Variants in IKZF2 observed in about 807,000 individuals in gnomAD.
IKZF2 encodes IKAROS family zinc finger 2, also known as zinc finger protein Helios.
A neutral mutation model predicts 49.2 loss-of-function variants in IKZF2; 15 were observed. The ratio of observed to expected loss-of-function variants is 0.30; its 90% CI spans 0.20 to 0.47. The LOEUF (loss-of-function observed/expected upper bound fraction) is 0.47. Among genes scored for constraint, IKZF2 ranks in the 20% least tolerant of loss-of-function variants. The pLI is 1.00. For missense variants in IKZF2, 567 were observed against 664.6 expected (o/e 0.85, Z 1.61); for synonymous variants, 227 against 221.4 (o/e 1.03, Z -0.23).
chr2:213,133,061 TG>T (rs1171808304), intron 4 of IKZF2, among the ~76,000 whole-genome samples: 1 of 152,246 alleles, frequency 6.6e-6, no homozygotes, highest in Non-Finnish European at 1.5e-5. Flanking sequence ...TTAAAATTAT[TG>T]TTGATTAAAA....
At chr2:213,124,264 A>ACTCGCGCGCGCGCGCGCG (rs2060175493) in intron 4 of IKZF2, among the ~76,000 whole-genome samples, 1 of 86,860 alleles carries the variant, frequency 1.2e-5, no homozygotes. Context: ...ACACACACAC[A>ACTCGCGCGCGCGCGCGCG]CACACACACA....
At position 213,002,382 on chromosome 2, in the gene IKZF2, C is replaced by G. The variant is rs1694983100; in HGVS notation, c.*4978G>C. ...AGTACAGCAAGATAAAACTAAAAAG[C>G]TAGAAATAGAATATTACATAAAAAC... On this transcript the variant is annotated 3_prime_UTR_variant, in exon 9 of 9. Transcript: ENST00000434687. 6.6e-6 allele frequency: 1 copy of G among 151,224 alleles called. No homozygotes were observed. Among genetic ancestry groups the G allele is most frequent in the African/African-American group, 2.4e-5 (1 of 41,286 alleles). 9.4% of individuals were successfully genotyped at this position (151,224 alleles called of 1,614,324 possible). A position where few individuals can be genotyped will look rare whatever the true frequency, so the allele number is the denominator to read the frequency against.
At chr2:213,150,300 CTCTT>C (rs2061237480) in intron 1 of IKZF2, 53 bp from the exon 2 acceptor site, 1 of 654,462 alleles carries the variant, frequency 1.5e-6, no homozygotes, top group South Asian at 1.5e-5. Context: ...TCCCCCTTCT[CTCTT>C]TCCCTCCCTT....
At chr2:213,058,963 G>C (rs975078159) in intron 4 of IKZF2, among the ~76,000 whole-genome samples, 2 of 151,718 alleles carry the variant, frequency 1.3e-5, no homozygotes, top group African/African-American at 4.8e-5. Flanking sequence ...TATAAATCTA[G>C]CATCATTTGT....
chr2:213,041,679 C>T (rs1444897428), intron 6 of IKZF2, among the ~76,000 whole-genome samples: 1 of 152,078 alleles, frequency 6.6e-6, no homozygotes, highest in Non-Finnish European at 1.5e-5. Context: ...TTTCCCTCTT[C>T]TCCTTCCCCT....
intron 4 of IKZF2, among the ~76,000 whole-genome samples, chr2:213,124,517 C>A (rs144073006): frequency 6.6e-6 from 1 of 152,112 alleles, no homozygotes; most frequent in Non-Finnish European, 1.5e-5. Flanking sequence ...CAAACCATCC[C>A]GTTCCCGGGA....
At chr2:213,032,445 C>T (rs1301118547) in intron 6 of IKZF2, among the ~76,000 whole-genome samples, 1 of 152,034 alleles carries the variant, frequency 6.6e-6, no homozygotes, top group Non-Finnish European at 1.5e-5. Context: ...CTAAAAAATG[C>T]TAAAGAGGCC....
intron 4 of IKZF2, among the ~76,000 whole-genome samples, chr2:213,067,381 AAAG>A: frequency 6.6e-6 from 1 of 152,218 alleles, no homozygotes; most frequent in East Asian, 1.9e-4. Context: ...GACTTATATA[AAAG>A]AAGAACTAGA....
chr2:213,076,417 T>C (rs1574742433), intron 4 of IKZF2, among the ~76,000 whole-genome samples: 1 of 152,168 alleles, frequency 6.6e-6, no homozygotes, highest in East Asian at 1.9e-4. Flanking sequence ...GTAGTAGGCA[T>C]AGAATCCCAA....
At chr2:213,139,564 T>C (rs1574980453) in intron 4 of IKZF2, among the ~76,000 whole-genome samples, 1 of 151,984 alleles carries the variant, frequency 6.6e-6, no homozygotes, top group Admixed American at 6.6e-5. Context: ...TGCATGTGTG[T>C]GTGTGTGTGC....
intron 4 of IKZF2, among the ~76,000 whole-genome samples, chr2:213,085,224 G>A (rs1704444613): frequency 1.3e-5 from 2 of 152,160 alleles, no homozygotes; most frequent in Non-Finnish European, 2.9e-5. Flanking sequence ...ATCGAAAGGT[G>A]AGCTCCTTCT....
intron 2 of IKZF2, 91 bp downstream of exon 2, chr2:213,150,053 G>C: frequency 1.7e-6 from 1 of 590,536 alleles, no homozygotes; most frequent in Non-Finnish European, 2.7e-6. Context: ...AGAAGCGAAA[G>C]AAGGCTGCCC....
intron 4 of IKZF2, among the ~76,000 whole-genome samples, chr2:213,107,662 T>C (rs2059577412): frequency 6.6e-6 from 1 of 152,182 alleles, no homozygotes; most frequent in South Asian, 2.1e-4. Context: ...TCAGGAATTC[T>C]TGTTTTCAGT....
intron 4 of IKZF2, among the ~76,000 whole-genome samples, chr2:213,145,350 G>A (rs1426225553): frequency 6.6e-6 from 1 of 151,840 alleles, no homozygotes; most frequent in Non-Finnish European, 1.5e-5. Flanking sequence ...GTTTTTGGAA[G>A]CAGGCACCCT....
At chr2:213,056,780 T>C (rs1265183820) in intron 5 of IKZF2, 53 bp downstream of exon 5, 9 of 1,600,844 alleles carry the variant, frequency 5.6e-6, no homozygotes, top group Non-Finnish European at 6.0e-6. Context: ...TGTCAGGTAA[T>C]ATCAACATCA....
intron 4 of IKZF2, among the ~76,000 whole-genome samples, chr2:213,122,341 A>G (rs907421049): frequency 6.6e-6 from 1 of 152,206 alleles, no homozygotes; most frequent in Non-Finnish European, 1.5e-5. Flanking sequence ...CCCTGCACAT[A>G]TACTATCTGA....
At chr2:213,132,160 T>TG (rs2060494911) in intron 4 of IKZF2, among the ~76,000 whole-genome samples, 1 of 152,068 alleles carries the variant, frequency 6.6e-6, no homozygotes, top group Non-Finnish European at 1.5e-5. Context: ...TCCCAGTCGG[T>TG]TAGGTGCTAA....
At chr2:213,120,534 T>TAAGACAAAAAG (rs2060021130) in intron 4 of IKZF2, among the ~76,000 whole-genome samples, 1 of 152,204 alleles carries the variant, frequency 6.6e-6, no homozygotes, top group African/African-American at 2.4e-5. Flanking sequence ...GATTGGGCTG[T>TAAGACAAAAAG]TTAGTAAAGG....
intron 4 of IKZF2, among the ~76,000 whole-genome samples, chr2:213,139,863 A>T (rs2060805842): frequency 6.6e-6 from 1 of 152,008 alleles, no homozygotes; most frequent in Non-Finnish European, 1.5e-5. Context: ...GTAAAAGGTG[A>T]GAAGCAGCTC....
Sources: gnomAD v4.1 joint callset for allele counts (sites outside exome capture counted in the v4.1 genomes callset) on GRCh38, gnomAD v4.1.1 for gene constraint, MANE v1.5 for transcripts, NCBI Gene and HGNC (gene_info 2026-07-23, HGNC 2026-07-21) for gene names.